The following DSCAML1 variants were observed in gnomAD, a reference collection of about 807,000 sequenced individuals.
The protein encoded by DSCAML1 is DS cell adhesion molecule like 1.
A neutral mutation model predicts 200.5 loss-of-function variants in DSCAML1; 38 were observed. The observed-to-expected ratio is 0.19, with a 90% CI of 0.15 to 0.25. DSCAML1 has a LOEUF of 0.25. DSCAML1 is among the 10% of genes least tolerant of loss of function. The pLI is 1.00. For synonymous variants in DSCAML1, 1,215 were observed against 1,165.0 expected, an observed-to-expected ratio of 1.04 and a Z score of -0.87; for missense variants, 2,223 against 2,858.8, an observed-to-expected ratio of 0.78 and a Z score of 5.07.
chr11:117,688,020 G>A (rs1350599895), intron 3 of DSCAML1, among the ~76,000 whole-genome samples: 7 of 152,064 alleles, frequency 4.6e-5, no homozygotes, highest in East Asian at 3.9e-4. Flanking sequence ...GCCATTCCCC[G>A]TGGTCGGCGA....
intron 3 of DSCAML1, among the ~76,000 whole-genome samples, chr11:117,761,524 G>A (rs922181090): frequency 8.5e-5 from 13 of 152,206 alleles, no homozygotes; most frequent in African/African-American, 3.1e-4. Flanking sequence ...ACTGCTATGT[G>A]ACCTTGGGCA....
intron 16 of DSCAML1, among the ~76,000 whole-genome samples, chr11:117,468,439 ATCGACCTGTGGG>A (rs1320626693): frequency 2.0e-5 from 3 of 152,218 alleles, no homozygotes; most frequent in Non-Finnish European, 4.4e-5. Flanking sequence ...CTAAATTTTT[ATCGACCTGTGGG>A]TCAGAGCTTT....
rs375031184 is a variant in DSCAML1, at chr11:117,780,250, AAG to A, written c.364+241_364+242del. Among the ~76,000 whole-genome samples, 437 of 82,576 alleles carry A rather than the reference AAG, an allele frequency of 5.3e-3. 9 individuals are homozygous for A. The highest frequency in any genetic ancestry group is 0.017 in the African/African-American group (379 of 21,996). The allele number at this position is 82,576 out of a possible 152,430, so 54.2% of individuals were successfully genotyped here. On this transcript the variant is annotated intron_variant, in intron 2 of 32. Transcript: ENST00000651296. This position sits in a 1 kb window ranked among gnomAD's most constrained non-coding sequence, Gnocchi z 4.8. ...AAGAAAGGAAAGAAAGAAAGAAAGA[AAG>A]AAAGAAAGAAAGAAAGAAAGAAAGA...
chr11:117,699,475 G>A (rs1321188676), intron 3 of DSCAML1, among the ~76,000 whole-genome samples: 2 of 152,248 alleles, frequency 1.3e-5, no homozygotes, highest in African/African-American at 4.8e-5. Context: ...AAGTCCGAAG[G>A]GAGGTGACGC....
intron 3 of DSCAML1, among the ~76,000 whole-genome samples, chr11:117,602,488 G>A (rs760923859): frequency 6.6e-6 from 1 of 152,172 alleles, no homozygotes; most frequent in African/African-American, 2.4e-5. Flanking sequence ...AGCCTCCGGA[G>A]TAGCTGGGAC....
chr11:117,589,532 C>G (rs1015181048), intron 3 of DSCAML1, among the ~76,000 whole-genome samples: 1 of 152,136 alleles, frequency 6.6e-6, no homozygotes, highest in Admixed American at 6.5e-5. Context: ...TGCAGGAGAG[C>G]TCTCTGCGTC....
chr11:117,784,843 T>C (rs139430496), intron 1 of DSCAML1, among the ~76,000 whole-genome samples: 69 of 152,266 alleles, frequency 4.5e-4, no homozygotes, highest in African/African-American at 1.6e-3. Flanking sequence ...GATGGTGGAA[T>C]GGAATGGGGC....
chr11:117,775,051 C>A (rs1424155026), intron 3 of DSCAML1, among the ~76,000 whole-genome samples: 1 of 152,144 alleles, frequency 6.6e-6, no homozygotes, highest in Non-Finnish European at 1.5e-5. Flanking sequence ...TACCACATTT[C>A]TTTATGTTCT....
chr11:117,784,513 A>T (rs2055316149), intron 1 of DSCAML1, among the ~76,000 whole-genome samples: 1 of 152,234 alleles, frequency 6.6e-6, no homozygotes, highest in Non-Finnish European at 1.5e-5. Flanking sequence ...GGGTGTGTTC[A>T]GAACTCCAGG....
chr11:117,443,429 G>A (rs2048110042), intron 21 of DSCAML1, among the ~76,000 whole-genome samples: 1 of 152,226 alleles, frequency 6.6e-6, no homozygotes, highest in African/African-American at 2.4e-5. Flanking sequence ...TCTGCGGATC[G>A]CAGGAATCCG....
chr11:117,678,682 C>T (rs1017765874), intron 3 of DSCAML1, among the ~76,000 whole-genome samples: 26 of 152,140 alleles, frequency 1.7e-4, no homozygotes, highest in African/African-American at 4.3e-4. Flanking sequence ...GGAAGCAGAA[C>T]GGGGGATAGC....
intron 3 of DSCAML1, among the ~76,000 whole-genome samples, chr11:117,678,005 C>A (rs139393171): frequency 6.6e-6 from 1 of 152,280 alleles, no homozygotes; most frequent in East Asian, 1.9e-4. Flanking sequence ...AGGGGGACTC[C>A]GGAGACCAAC....
chr11:117,747,703 G>A (rs531157991), intron 3 of DSCAML1, among the ~76,000 whole-genome samples: 25 of 152,226 alleles, frequency 1.6e-4, no homozygotes, highest in Middle Eastern at 3.4e-3. Flanking sequence ...CAGAGAGACC[G>A]CCTGTGTCCT....
chr11:117,780,802 C>T lies in DSCAML1; in HGVS notation c.55G>A (p.Glu19Lys). The T allele has an allele frequency of 6.9e-7, 1 of 1,453,128 alleles. No individual in the cohort carries two copies. The highest frequency in any genetic ancestry group is 9.1e-7 in the Non-Finnish European group (1 of 1,104,670). 90.0% of individuals were successfully genotyped at this position (1,453,128 alleles called of 1,614,324 possible). The change falls in exon 2 of 33, where the codon GAA (glutamate) becomes AAA (lysine). Residue 19 changes from glutamate to lysine, a missense_variant. Around this residue, in one of 7 missense-constraint regions of DSCAML1, gnomAD observed 579 missense variants for 721.5 expected, o/e 0.80. Transcript: ENST00000651296. This position sits in a 1 kb window ranked among gnomAD's most constrained non-coding sequence, Gnocchi z 4.8. ...LLDSLHKARPEDVGTSLYFVN... is the reference protein window; with the variant it reads ...LLDSLHKARPKDVGTSLYFVN... Reference sequence around the variant, plus strand: ...AAGTAGAGGCTGGTGCCAACATCTTCAGGGCGGGCTGCAGGAGAGGCAAGG... The same window carrying T: ...AAGTAGAGGCTGGTGCCAACATCTTTAGGGCGGGCTGCAGGAGAGGCAAGG...
chr11:117,665,738 A>G (rs2137656526), intron 3 of DSCAML1, among the ~76,000 whole-genome samples: 1 of 152,338 alleles, frequency 6.6e-6, no homozygotes, highest in South Asian at 2.1e-4. Context: ...ACCTGAGCCC[A>G]TAATCCCAAC....
At chr11:117,438,823 T>A in intron 24 of DSCAML1, 62 bp downstream of exon 24, 2 of 1,388,310 alleles carry the variant, frequency 1.4e-6, no homozygotes, top group East Asian at 5.7e-5. Context: ...GTGAAGCCCC[T>A]TCCCTGCCCC....
intron 3 of DSCAML1, among the ~76,000 whole-genome samples, chr11:117,594,896 G>A (rs1252082985): frequency 6.6e-6 from 1 of 152,214 alleles, no homozygotes; most frequent in Non-Finnish European, 1.5e-5. Flanking sequence ...CCCTTTGGCA[G>A]TTTCTGTGGT....
intron 3 of DSCAML1, among the ~76,000 whole-genome samples, chr11:117,679,260 C>A (rs1168194976): frequency 1.3e-5 from 2 of 152,190 alleles, no homozygotes; most frequent in East Asian, 3.9e-4. Flanking sequence ...CCTAGAGGCC[C>A]AGGCAGAGAC....
At chr11:117,654,155 A>G (rs1591366565) in intron 3 of DSCAML1, among the ~76,000 whole-genome samples, 1 of 152,218 alleles carries the variant, frequency 6.6e-6, no homozygotes, top group African/African-American at 2.4e-5. Flanking sequence ...AGGCAAATCT[A>G]TAGAGACAGA....
Sources: gnomAD v4.1 joint callset for allele counts (sites outside exome capture counted in the v4.1 genomes callset) on GRCh38, gnomAD v4.1.1 for gene constraint, gnomAD v4.1.1 regional missense constraint, Gnocchi (gnomAD v3.1) non-coding constraint, MANE v1.5 for transcripts, NCBI Gene and HGNC (gene_info 2026-07-23, HGNC 2026-07-21) for gene names.